The following SLC25A48 variants were observed in gnomAD, a reference collection of about 807,000 sequenced individuals.
The protein encoded by SLC25A48 is CTC-321K16.1.
Under a neutral mutation model 32.2 loss-of-function variants are expected in SLC25A48, and 29 were observed. The ratio of observed to expected loss-of-function variants is 0.90; its 90% confidence interval spans 0.67 to 1.23. The LOEUF is 1.23. Among genes scored for constraint, SLC25A48 ranks in the 50% most tolerant of loss-of-function variants. SLC25A48 has a pLI of 0.00. For missense variants in SLC25A48, 399 were observed against 422.7 expected, an observed-to-expected ratio of 0.94 and a Z score of 0.49; for synonymous variants, 164 against 172.3, an observed-to-expected ratio of 0.95 and a Z score of 0.38.
At chr5:135,736,694 A>G (rs1755368469) in intron 3 of SLC25A48, among the ~76,000 whole-genome samples, 1 of 152,292 alleles carries the variant, frequency 6.6e-6, no homozygotes, top group Admixed American at 6.5e-5. Flanking sequence ...CCTCTGAAAC[A>G]TGGGTGAATA....
At chr5:135,690,942 G>A (rs1179883315) in intron 3 of SLC25A48, among the ~76,000 whole-genome samples, 2 of 68,220 alleles carry the variant, frequency 2.9e-5, no homozygotes, top group Non-Finnish European at 7.2e-5. Context: ...TTCAGGGAAG[G>A]CATTTTTTTT....
intron 3 of SLC25A48, among the ~76,000 whole-genome samples, chr5:135,700,267 G>A (rs1345347286): frequency 6.6e-6 from 1 of 151,196 alleles, no homozygotes; most frequent in Non-Finnish European, 1.5e-5. Context: ...AGCTACTTGG[G>A]AGGCTGAGAC....
chr5:135,876,941 C>T (rs79442388), intron 6 of SLC25A48, among the ~76,000 whole-genome samples: 5,062 of 152,128 alleles, frequency 0.033, 315 homozygotes, highest in African/African-American at 0.11. Context: ...GACTGTGGCT[C>T]GCAGAGATAG....
chr5:135,616,341 G>C (rs1438526198), intron 1 of SLC25A48, among the ~76,000 whole-genome samples: 1 of 152,188 alleles, frequency 6.6e-6, no homozygotes, highest in East Asian at 1.9e-4. Context: ...GAGCAGCCAT[G>C]GACACTGAGC....
intron 3 of SLC25A48, among the ~76,000 whole-genome samples, chr5:135,766,629 GT>G (rs1756239170): frequency 6.6e-6 from 1 of 150,446 alleles, no homozygotes; most frequent in Non-Finnish European, 1.5e-5. Flanking sequence ...CTGTGATATG[GT>G]TCATAATATC....
At chr5:135,803,201 C>T (rs1393561010) in intron 3 of SLC25A48, 1 of 150,092 alleles carries the variant, frequency 6.7e-6, no homozygotes, top group East Asian at 2.0e-4. Context: ...ACAGTGGGTG[C>T]ACTCTGTATG....
At chr5:135,849,786 T>C (rs910874402) in intron 2 of SLC25A48, among the ~76,000 whole-genome samples, 2 of 152,126 alleles carry the variant, frequency 1.3e-5, no homozygotes, top group African/African-American at 4.8e-5. Flanking sequence ...ATTGCTGCTC[T>C]AGGGTCTGGG....
At position 135,790,829 on chromosome 5, in the gene SLC25A48, C is replaced by T. The variant is rs562868880; in HGVS notation, c.-520-21694C>T. 2.0e-5 allele frequency among the ~76,000 whole-genome samples: 3 copies of T among 151,648 alleles called. No homozygotes were observed. In the East Asian group the frequency reaches 5.8e-4, roughly 29 times the overall value. ...CCTTGGTGGATGTTACTCCTAATGT[C>T]ACAGTGGGTGTAGACTATGTGTATA... is the stretch of plus-strand genomic sequence containing the variant. On this transcript the variant is annotated intron_variant, in intron 3 of 10. Transcript: ENST00000646290.
chr5:135,835,156 G>A, intron 1 of SLC25A48: 2 of 677,170 alleles, frequency 3.0e-6, no homozygotes, highest in South Asian at 3.0e-5. Context: ...ATGAGGTAAT[G>A]ATTAAACAGC....
At chr5:135,880,344 C>T (rs548806526) in intron 7 of SLC25A48, among the ~76,000 whole-genome samples, 17 of 152,168 alleles carry the variant, frequency 1.1e-4, no homozygotes, top group South Asian at 8.3e-4. Context: ...TTCCAGACAG[C>T]TCGCCTCTCC....
chr5:135,779,165 C>T (rs1259428269), intron 3 of SLC25A48, among the ~76,000 whole-genome samples: 1 of 151,800 alleles, frequency 6.6e-6, no homozygotes, highest in East Asian at 1.9e-4. Flanking sequence ...TGATATTGTT[C>T]CTAATATCCA....
chr5:135,775,845 G>A (rs984689476), intron 3 of SLC25A48, among the ~76,000 whole-genome samples: 17 of 151,322 alleles, frequency 1.1e-4, no homozygotes, highest in Non-Finnish European at 1.9e-4. Context: ...GGGGTTGTAC[G>A]CCCCTTTTGT....
intron 3 of SLC25A48, among the ~76,000 whole-genome samples, chr5:135,768,548 G>A (rs34846758): frequency 0.3 from 45,716 of 151,018 alleles, 7,079 homozygotes; most frequent in East Asian, 0.46. Flanking sequence ...ATCGCAGGGG[G>A]TATACACCCC....
At chr5:135,627,092 G>T (rs1285435534) in intron 1 of SLC25A48, among the ~76,000 whole-genome samples, 1 of 152,194 alleles carries the variant, frequency 6.6e-6, no homozygotes, top group East Asian at 1.9e-4. Flanking sequence ...TATTGTGGGA[G>T]AAATGAAAGA....
chr5:135,678,839 G>A (rs1753828284), intron 3 of SLC25A48, among the ~76,000 whole-genome samples: 1 of 152,200 alleles, frequency 6.6e-6, no homozygotes, highest in African/African-American at 2.4e-5. Flanking sequence ...AGCTTAGGGT[G>A]TGGTTGTTAG....
intron 6 of SLC25A48, among the ~76,000 whole-genome samples, chr5:135,878,696 G>A (rs1762223779): frequency 6.6e-6 from 1 of 152,144 alleles, no homozygotes; most frequent in African/African-American, 2.4e-5. Context: ...AAATGAAAAG[G>A]GTTGGTTTCT....
At chr5:135,788,249 G>C (rs1372578784) in intron 3 of SLC25A48, among the ~76,000 whole-genome samples, 1 of 151,716 alleles carries the variant, frequency 6.6e-6, no homozygotes, top group Non-Finnish European at 1.5e-5. Context: ...AGAATGGGGA[G>C]AGGGTGATAT....
chr5:135,880,879 C>T (rs1235717330), intron 7 of SLC25A48, among the ~76,000 whole-genome samples: 2 of 152,184 alleles, frequency 1.3e-5, no homozygotes, highest in Non-Finnish European at 2.9e-5. Flanking sequence ...AAGTCTCCTC[C>T]TCCAGGATGC....
At chr5:135,886,193 A>G (rs1762705703) in intron 7 of SLC25A48, among the ~76,000 whole-genome samples, 1 of 152,072 alleles carries the variant, frequency 6.6e-6, no homozygotes, top group Non-Finnish European at 1.5e-5. Context: ...AGCACACCTT[A>G]TTGCAGAGCT....
Sources: gnomAD v4.1 joint callset for allele counts (sites outside exome capture counted in the v4.1 genomes callset) on GRCh38, gnomAD v4.1.1 for gene constraint, MANE v1.5 for transcripts, NCBI Gene and HGNC (gene_info 2026-07-23, HGNC 2026-07-21) for gene names.